Variants in COA1 observed in about 807,000 individuals in gnomAD.
COA1 encodes the protein cytochrome c oxidase assembly factor 1.
In COA1, 13 loss-of-function variants were observed where a neutral mutation model predicts 16.0. That is an observed-to-expected ratio of 0.81 (90% CI 0.53 to 1.29). The LOEUF (loss-of-function observed/expected upper bound fraction) is 1.29, where lower values mean the gene tolerates loss of function less well. Ranked by LOEUF, COA1 falls within the 50% of genes most tolerant of loss-of-function variation. COA1 has a pLI of 0.00. For synonymous variants in COA1, 65 were observed against 65.7 expected (o/e 0.99, Z 0.05); for missense variants, 179 against 177.0 (o/e 1.01, Z -0.06).
At position 43,647,625 on chromosome 7, in the gene COA1, T is replaced by C; in HGVS notation, c.25A>G (p.Ser9Gly). ...GCTCCCAGAGGCATTGACCGCCTGC[T>C]TCCTGCATACTTAAAAACAAAAGAT... MMWQKYAG[S>G]RRSMPLGARI... Residue 9 changes from serine (S) to glycine (G), a missense_variant, in exon 3 of 6, where the codon AGC (serine) becomes GGC (glycine). Physicochemically the swap from Ser to Gly is moderately conservative, Grantham distance 56. Coordinates refer to ENST00000223336, the MANE Select transcript of COA1 (RefSeq NM_018224.4). 1 of 1,611,370 alleles carries C rather than the reference T, an allele frequency of 6.2e-7. No individual in the cohort carries two copies. Among genetic ancestry groups the C allele is most frequent in the South Asian group, 1.1e-5 (1 of 90,858 alleles).
chr7:43,650,707 A>G (rs2090566668), intron 1 of COA1: 1 of 152,150 alleles, frequency 6.6e-6, no homozygotes, highest in Non-Finnish European at 1.5e-5. Context: ...TCGTGTGGCA[A>G]ACATCCTGTA....
chr7:43,703,072 T>C (rs1312906662), intron 1 of COA1, among the ~76,000 whole-genome samples: 1 of 152,166 alleles, frequency 6.6e-6, no homozygotes, highest in South Asian at 2.1e-4. Context: ...TTCAAATATT[T>C]TTCTGCCTTA....
intron 1 of COA1, among the ~76,000 whole-genome samples, chr7:43,654,532 A>T (rs963789754): frequency 6.6e-6 from 1 of 152,218 alleles, no homozygotes; most frequent in African/African-American, 2.4e-5. Flanking sequence ...ACTAGAATTA[A>T]CATAGCAGAA....
At chr7:43,610,682 A>G (rs574986537) in intron 6 of COA1, among the ~76,000 whole-genome samples, 8 of 152,282 alleles carry the variant, frequency 5.3e-5, no homozygotes, top group African/African-American at 1.9e-4. Flanking sequence ...AAGAACTGCT[A>G]TATGGCACAT....
At chr7:43,712,957 T>G (rs1412006808) in intron 1 of COA1, among the ~76,000 whole-genome samples, 1 of 152,132 alleles carries the variant, frequency 6.6e-6, no homozygotes, top group Non-Finnish European at 1.5e-5. Context: ...TTTGTCTTGT[T>G]TTCTTTTGCT....
chr7:43,645,642 C>A, intron 3 of COA1: 2 of 404,592 alleles, frequency 4.9e-6, no homozygotes, highest in Non-Finnish European at 9.2e-6. Flanking sequence ...CTCATGCAGA[C>A]CCTTTCTGCT....
At chr7:43,684,678 C>T (rs552476984) in intron 1 of COA1, among the ~76,000 whole-genome samples, 1 of 152,272 alleles carries the variant, frequency 6.6e-6, no homozygotes, top group South Asian at 2.1e-4. Context: ...CTGGAAAGTA[C>T]AAGACGCCAC....
chr7:43,620,591 G>A (rs985587839), intron 6 of COA1, among the ~76,000 whole-genome samples: 2 of 151,658 alleles, frequency 1.3e-5, no homozygotes, highest in Non-Finnish European at 2.9e-5. Context: ...GGAGAATGGC[G>A]TGAACCTGGG....
intron 6 of COA1, among the ~76,000 whole-genome samples, chr7:43,633,804 ATTTT>A: frequency 6.7e-6 from 1 of 149,838 alleles, no homozygotes; most frequent in South Asian, 2.1e-4. Flanking sequence ...ACTCTCAGCC[ATTTT>A]TTTTTTCAAA....
chr7:43,650,992 G>C (rs113187676), intron 1 of COA1, among the ~76,000 whole-genome samples: 1 of 152,126 alleles, frequency 6.6e-6, no homozygotes, highest in East Asian at 1.9e-4. Context: ...GGGGCAGCAG[G>C]GGCTCCTTTT....
intron 6 of COA1, among the ~76,000 whole-genome samples, chr7:43,621,466 GT>G (rs2083878526): frequency 6.6e-6 from 1 of 152,134 alleles, no homozygotes. Context: ...GTGGGTTTTT[GT>G]TTTGTTTTAA....
At chr7:43,681,732 A>T (rs753855672) in intron 1 of COA1, among the ~76,000 whole-genome samples, 5 of 152,236 alleles carry the variant, frequency 3.3e-5, no homozygotes, top group Non-Finnish European at 7.3e-5. Flanking sequence ...CAGTACAACC[A>T]AGTTGGGCTG....
chr7:43,688,871 T>C (rs1035057075), intron 1 of COA1, among the ~76,000 whole-genome samples: 1 of 152,220 alleles, frequency 6.6e-6, no homozygotes, highest in African/African-American at 2.4e-5. Context: ...CTTTCACTAA[T>C]CTTAATATAG....
chr7:43,616,500 A>G (rs2083357809), intron 6 of COA1, among the ~76,000 whole-genome samples: 1 of 152,192 alleles, frequency 6.6e-6, no homozygotes, highest in Admixed American at 6.5e-5. Context: ...GAAGCTGTAG[A>G]TTCTTCCCGT....
intron 6 of COA1, among the ~76,000 whole-genome samples, chr7:43,610,346 CAAA>C (rs138859141): frequency 0.23 from 8,878 of 39,088 alleles, 135 homozygotes; most frequent in Non-Finnish European, 0.3. Context: ...GACTCCGTCT[CAAA>C]AAAAAAAAAA....
intron 1 of COA1, chr7:43,649,483 T>G (rs1009488529): frequency 3.9e-5 from 6 of 152,292 alleles, no homozygotes; most frequent in African/African-American, 1.2e-4. Context: ...TCCTGCTATT[T>G]TTCCAGACAA....
At chr7:43,711,647 A>C (rs949762526) in intron 1 of COA1, among the ~76,000 whole-genome samples, 1 of 152,248 alleles carries the variant, frequency 6.6e-6, no homozygotes, top group Non-Finnish European at 1.5e-5. Context: ...GCGTGTACTT[A>C]CACAAACCTA....
At chr7:43,623,828 T>C in intron 6 of COA1, 1 of 1,601,940 alleles carries the variant, frequency 6.2e-7, no homozygotes, top group Non-Finnish European at 8.5e-7. Flanking sequence ...GAGGAAGAAT[T>C]TGATGTTTTG....
intron 1 of COA1, among the ~76,000 whole-genome samples, chr7:43,719,802 T>TTC (rs2095470479): frequency 1.3e-5 from 2 of 152,132 alleles, no homozygotes; most frequent in East Asian, 3.9e-4. Context: ...CTTGAATCTA[T>TTC]TCTCCCCACC....
Sources: gnomAD v4.1 joint callset for allele counts (sites outside exome capture counted in the v4.1 genomes callset) on GRCh38, gnomAD v4.1.1 for gene constraint, MANE v1.5 for transcripts, NCBI Gene and HGNC (gene_info 2026-07-23, HGNC 2026-07-21) for gene names.